SGCG: variants seen among roughly 807,000 people sequenced by gnomAD.
SGCG encodes sarcoglycan gamma.
In SGCG, 26 loss-of-function variants were observed where a neutral mutation model predicts 29.3. The observed-to-expected ratio is 0.89, with a 90% CI of 0.65 to 1.23. SGCG has a LOEUF of 1.23. SGCG is among the 50% of genes most tolerant of loss of function. The pLI, the probability that SGCG is intolerant of heterozygous loss-of-function variation, is 0.00. For missense variants in SGCG, 353 were observed against 356.0 expected (o/e 0.99, Z 0.07); for synonymous variants, 145 against 129.7 (o/e 1.12, Z -0.80).
At chr13:23,172,290 T>C in the SGCG span, among the ~76,000 whole-genome samples, 1 of 152,300 alleles carries the variant, frequency 6.6e-6, no homozygotes, top group South Asian at 2.1e-4. Context: ...GTTGGCAATC[T>C]CCACGTTTGT....
intron 6 of SGCG, among the ~76,000 whole-genome samples, chr13:23,295,708 C>G (rs1881880235): frequency 6.6e-6 from 1 of 152,166 alleles, no homozygotes; most frequent in Non-Finnish European, 1.5e-5. Flanking sequence ...ACAGCCTCCT[C>G]CTTCCTCCTC....
intron 4 of SGCG, among the ~76,000 whole-genome samples, chr13:23,275,820 C>T (rs879918218): frequency 6.6e-6 from 1 of 152,176 alleles, no homozygotes; most frequent in Non-Finnish European, 1.5e-5. Flanking sequence ...ACCACATTTG[C>T]AACAGCAGAA....
chr13:23,188,471 G>A (rs927578799), intron 1 of SGCG, among the ~76,000 whole-genome samples: 20 of 142,486 alleles, frequency 1.4e-4, no homozygotes, highest in Non-Finnish European at 2.9e-4. Flanking sequence ...GATTACAGGC[G>A]CCTGCCTAAT....
Position 23,295,472 on chromosome 13 carries a change from C to G in SGCG, c.563C>G (p.Pro188Arg), listed in dbSNP as rs753806016. ...GAGACACCCCTTGTCAGAGCCGACC[C>G]GTTTCAAGACCTTAGGTAAGAATTT... ...SVETPLVRAD[P>R]FQDLRLESPT... Residue 188 changes from proline to arginine, a missense_variant, in exon 6 of 8, where the codon CCG becomes CGG. Pro to Arg is a moderately radical substitution (Grantham distance 103). Transcript: ENST00000218867. 3.2e-5 allele frequency: 52 copies of G among 1,613,216 alleles called. No individual in the cohort carries two copies. The highest frequency in any genetic ancestry group is 4.4e-5 in the Non-Finnish European group (52 of 1,179,282).
chr13:23,228,805 C>G (rs1593185097), intron 2 of SGCG, among the ~76,000 whole-genome samples: 1 of 152,296 alleles, frequency 6.6e-6, no homozygotes, highest in East Asian at 1.9e-4. Flanking sequence ...TGATCTCATT[C>G]CTTCTTATGG....
intron 4 of SGCG, among the ~76,000 whole-genome samples, chr13:23,255,919 T>G (rs1239281481): frequency 6.6e-6 from 1 of 152,094 alleles, no homozygotes; most frequent in Non-Finnish European, 1.5e-5. Context: ...ATGAACCAAA[T>G]GGGAAGCTCC....
chr13:23,245,564 G>C (rs189008565), intron 3 of SGCG: 1 of 152,162 alleles, frequency 6.6e-6, no homozygotes, highest in Non-Finnish European at 1.5e-5. Flanking sequence ...CCCCAGAGAT[G>C]AGCAGCTCCT....
intron 1 of SGCG, among the ~76,000 whole-genome samples, chr13:23,196,866 T>C (rs1040203516): frequency 2.0e-5 from 3 of 152,132 alleles, no homozygotes; most frequent in Non-Finnish European, 4.4e-5. Context: ...TAACGTGAGA[T>C]GAGATGTTTC....
intron 1 of SGCG, among the ~76,000 whole-genome samples, chr13:23,196,669 C>T (rs12100138): frequency 0.055 from 8,311 of 152,008 alleles, 318 homozygotes; most frequent in East Asian, 0.22. Flanking sequence ...AGGATATTAA[C>T]CTTGTCCTAT....
chr13:23,257,184 G>A (rs1209679010), intron 4 of SGCG, among the ~76,000 whole-genome samples: 1 of 152,136 alleles, frequency 6.6e-6, no homozygotes, highest in Non-Finnish European at 1.5e-5. Context: ...CTTCTTTTGA[G>A]AAGTGTTTGT....
In SGCG at chr13:23,300,602, C is replaced by T. The variant is rs562107818; in HGVS notation, c.578+5115C>T. On this transcript the variant is annotated intron_variant, in intron 6 of 7. Coordinates refer to ENST00000218867, the MANE Select transcript of SGCG (RefSeq NM_000231.3). ...CCACAAGAAATCATGACCTGCAAGC[C>T]GTTGCCTGGCCGAGGTAGAAGCAAA... is the stretch of plus-strand genomic sequence containing the variant. Among the ~76,000 whole-genome samples the T allele has an allele frequency of 8.5e-5, 13 of 152,144 alleles. No homozygotes were observed. In the South Asian group the frequency reaches 2.1e-3, roughly 24 times the overall value.
chr13:23,300,895 C>T (rs1401383221), intron 6 of SGCG, among the ~76,000 whole-genome samples: 1 of 150,576 alleles, frequency 6.6e-6, no homozygotes, highest in African/African-American at 2.4e-5. Context: ...GCGGGCAGAT[C>T]ATGAGGTCAG....
upstream of SGCG, among the ~76,000 whole-genome samples, chr13:23,179,067 A>G (rs540217685): frequency 6.6e-6 from 1 of 152,348 alleles, no homozygotes; most frequent in South Asian, 2.1e-4. Flanking sequence ...ACTTCTACCC[A>G]TAGGCTTACT....
chr13:23,204,605 TTTTCTTTCTTTTC>T (rs1877907888), intron 2 of SGCG, among the ~76,000 whole-genome samples: 1 of 150,540 alleles, frequency 6.6e-6, no homozygotes, highest in South Asian at 2.1e-4. Flanking sequence ...CTTTTCTTTC[TTTTCTTTCTTTTC>T]TTTCTTTCCT....
chr13:23,310,078 C>CTTTTT (rs144258130), intron 6 of SGCG, among the ~76,000 whole-genome samples: 1 of 60,780 alleles, frequency 1.6e-5, no homozygotes, highest in African/African-American at 6.8e-5. Flanking sequence ...TTGTTTTTCT[C>CTTTTT]TTTTTTTTTT....
At chr13:23,196,025 T>G (rs767007703) in intron 1 of SGCG, among the ~76,000 whole-genome samples, 80 of 152,178 alleles carry the variant, frequency 5.3e-4, no homozygotes, top group Non-Finnish European at 1.0e-3. Context: ...TTTAGTTTCC[T>G]TACAGTATTT....
the SGCG span, among the ~76,000 whole-genome samples, chr13:23,175,388 C>T: frequency 1.3e-5 from 2 of 152,152 alleles, no homozygotes; most frequent in Non-Finnish European, 2.9e-5. Context: ...ATAGATTCTA[C>T]TTTGATAATT....
At chr13:23,319,737 A>G (rs1882964111) in intron 6 of SGCG, among the ~76,000 whole-genome samples, 1 of 152,122 alleles carries the variant, frequency 6.6e-6, no homozygotes, top group Non-Finnish European at 1.5e-5. Context: ...TCTGCTTCCT[A>G]CTGCCCTTTA....
chr13:23,201,368 G>GGAA (rs1877751927), intron 1 of SGCG, among the ~76,000 whole-genome samples: 1 of 660 alleles, frequency 1.5e-3, no homozygotes, highest in African/African-American at 2.4e-3. Flanking sequence ...CACCTTACGT[G>GGAA]GAAGAGGAGG....
Sources: gnomAD v4.1 joint callset for allele counts (sites outside exome capture counted in the v4.1 genomes callset) on GRCh38, gnomAD v4.1.1 for gene constraint, MANE v1.5 for transcripts, NCBI Gene and HGNC (gene_info 2026-07-23, HGNC 2026-07-21) for gene names.